GRID2: variants seen among roughly 807,000 people sequenced by gnomAD.
GRID2 encodes the protein glutamate receptor ionotropic, delta-2.
A neutral mutation model predicts 114.8 loss-of-function variants in GRID2; 33 were observed. That is an observed-to-expected ratio of 0.29 (90% CI 0.22 to 0.38). The LOEUF is 0.38. GRID2 is among the 10% of genes least tolerant of loss of function. The pLI is 1.00. For missense variants in GRID2, 1,184 were observed against 1,257.7 expected (o/e 0.94, Z 0.89); for synonymous variants, 505 against 449.9 (o/e 1.12, Z -1.55).
chr4:93,619,507 C>A (rs148853516), intron 13 of GRID2, among the ~76,000 whole-genome samples: 62 of 152,320 alleles, frequency 4.1e-4, no homozygotes, highest in Middle Eastern at 3.4e-3. Context: ...AAGTTTGCAG[C>A]TTAGTGGGCA....
At chr4:93,633,851 C>G (rs552215230) in intron 14 of GRID2, among the ~76,000 whole-genome samples, 2 of 152,204 alleles carry the variant, frequency 1.3e-5, no homozygotes, top group Admixed American at 1.3e-4. Flanking sequence ...CTTTAATACC[C>G]CAATTGGAAT....
Position 93,267,250 on chromosome 4 carries a change from A to G in GRID2, c.1245+28760A>G, listed in dbSNP as rs893441190. Reference sequence around the variant, plus strand: ...TGTGCACATTGTGCAGGTTAGTTACATATGTATACATGTGCCATGCTGGTG... The same window carrying G: ...TGTGCACATTGTGCAGGTTAGTTACGTATGTATACATGTGCCATGCTGGTG... On this transcript the variant is annotated intron_variant, in intron 8 of 15. Transcript: ENST00000282020. 3.3e-5 allele frequency among the ~76,000 whole-genome samples: 5 copies of G among 150,832 alleles called. No individual in the cohort carries two copies. The Admixed American group carries it at 3.3e-4, about 10-fold the overall frequency.
intron 2 of GRID2, among the ~76,000 whole-genome samples, chr4:92,752,662 A>C (rs1045223793): frequency 1.4e-4 from 21 of 152,304 alleles, no homozygotes; most frequent in African/African-American, 5.1e-4. Context: ...ACAGATCGTA[A>C]TATGATACAG....
At chr4:93,067,912 T>C (rs1400869793) in intron 2 of GRID2, among the ~76,000 whole-genome samples, 1 of 152,050 alleles carries the variant, frequency 6.6e-6, no homozygotes, top group East Asian at 1.9e-4. Flanking sequence ...AATATTTACA[T>C]ATTTAATTAT....
At chr4:93,613,217 A>AT (rs1201670992) in intron 13 of GRID2, among the ~76,000 whole-genome samples, 1 of 144,282 alleles carries the variant, frequency 6.9e-6, no homozygotes, top group Non-Finnish European at 1.5e-5. Context: ...ATTCTTCTAA[A>AT]TTTTTTTCAA....
chr4:93,598,292 C>T (rs1370995279), intron 13 of GRID2, among the ~76,000 whole-genome samples: 1 of 152,088 alleles, frequency 6.6e-6, no homozygotes, highest in Non-Finnish European at 1.5e-5. Flanking sequence ...AAAATTATTC[C>T]ATTTCTTCCA....
intron 12 of GRID2, among the ~76,000 whole-genome samples, chr4:93,498,605 G>T: frequency 6.6e-6 from 1 of 151,764 alleles, no homozygotes; most frequent in East Asian, 1.9e-4. Context: ...GTTTTTGGTA[G>T]ATCCTTTCGG....
chr4:92,565,731 T>A (rs1727304604), intron 1 of GRID2, among the ~76,000 whole-genome samples: 1 of 152,006 alleles, frequency 6.6e-6, no homozygotes. Context: ...AATTAACAAG[T>A]CTTTTTCTCC....
intron 2 of GRID2, among the ~76,000 whole-genome samples, chr4:92,911,433 G>C (rs1748372178): frequency 6.6e-6 from 1 of 151,966 alleles, no homozygotes; most frequent in South Asian, 2.1e-4. Context: ...CACTTAAAGT[G>C]TGCAACACAT....
intron 2 of GRID2, among the ~76,000 whole-genome samples, chr4:92,954,730 G>C (rs1202846570): frequency 7.2e-6 from 1 of 139,534 alleles, no homozygotes; most frequent in Non-Finnish European, 1.5e-5. Context: ...TCGTCATCTA[G>C]CATTAGGTAT....
intron 2 of GRID2, among the ~76,000 whole-genome samples, chr4:92,927,451 C>T (rs1015194045): frequency 3.3e-5 from 5 of 151,720 alleles, no homozygotes; most frequent in African/African-American, 7.3e-5. Context: ...AGTTCCAATT[C>T]CCACAGGGTA....
At chr4:92,339,739 A>G (rs1471057037) in intron 1 of GRID2, among the ~76,000 whole-genome samples, 1 of 152,134 alleles carries the variant, frequency 6.6e-6, no homozygotes, top group Admixed American at 6.5e-5. Flanking sequence ...ACTGTTATGG[A>G]TCCTACTGAA....
chr4:93,393,843 T>C (rs1765080973), intron 8 of GRID2, among the ~76,000 whole-genome samples: 1 of 151,956 alleles, frequency 6.6e-6, no homozygotes, highest in African/African-American at 2.4e-5. Flanking sequence ...TCACCAAAGT[T>C]AAGAGACGAA....
chr4:93,571,540 A>G (rs1350269843), intron 13 of GRID2, among the ~76,000 whole-genome samples: 1 of 152,112 alleles, frequency 6.6e-6, no homozygotes, highest in South Asian at 2.1e-4. Flanking sequence ...GGCCCTTTTT[A>G]GGCCCAACCT....
At chr4:92,306,954 AT>A (rs374195088) in intron 1 of GRID2, among the ~76,000 whole-genome samples, 270 of 152,286 alleles carry the variant, frequency 1.8e-3, no homozygotes, top group African/African-American at 6.1e-3. Flanking sequence ...ACTACCTAAT[AT>A]TGTCATGAGG....
intron 14 of GRID2, among the ~76,000 whole-genome samples, chr4:93,710,878 G>A (rs1209964084): frequency 6.6e-6 from 1 of 151,934 alleles, no homozygotes; most frequent in Non-Finnish European, 1.5e-5. Flanking sequence ...CCAGGCCCAT[G>A]GTGAGTACTG....
chr4:92,908,912 A>C (rs1178725398), intron 2 of GRID2, among the ~76,000 whole-genome samples: 1 of 152,140 alleles, frequency 6.6e-6, no homozygotes, highest in Non-Finnish European at 1.5e-5. Flanking sequence ...TCTTCAACAA[A>C]ATGGATGAGA....
At chr4:92,442,013 T>C (rs1733118505) in intron 1 of GRID2, among the ~76,000 whole-genome samples, 1 of 150,970 alleles carries the variant, frequency 6.6e-6, no homozygotes, top group South Asian at 2.1e-4. Context: ...GGCACCAGAG[T>C]TGGGGAGTTG....
At chr4:92,745,212 T>C (rs1189327002) in intron 2 of GRID2, among the ~76,000 whole-genome samples, 1 of 152,200 alleles carries the variant, frequency 6.6e-6, no homozygotes, top group Non-Finnish European at 1.5e-5. Context: ...ATTTCCAAGA[T>C]CAGAAATGAC....
Sources: allele counts gnomAD v4.1 joint callset (sites outside exome capture counted in the v4.1 genomes callset), GRCh38; gene constraint gnomAD v4.1.1; transcripts MANE v1.5; gene names NCBI Gene and HGNC (gene_info 2026-07-23, HGNC 2026-07-21).